Variants in CCDC3 observed in about 807,000 individuals in gnomAD.
CCDC3 encodes coiled-coil domain-containing protein 3.
Under a neutral mutation model 21.4 loss-of-function variants are expected in CCDC3, and 24 were observed. The ratio of observed to expected loss-of-function variants is 1.12; its 90% confidence interval spans 0.81 to 1.58. The LOEUF is 1.58. Ranked by LOEUF, CCDC3 falls within the 40% of genes most tolerant of loss-of-function variation. CCDC3 has a pLI of 0.00. For missense variants in CCDC3, 425 were observed against 360.9 expected (o/e 1.18, Z -1.44); for synonymous variants, 186 against 166.0 (o/e 1.12, Z -0.93).
intron 2 of CCDC3, among the ~76,000 whole-genome samples, chr10:12,939,610 C>A (rs935974027): frequency 2.0e-5 from 3 of 150,150 alleles, no homozygotes; most frequent in Non-Finnish European, 4.4e-5. Flanking sequence ...TAGTATTCAA[C>A]AGATGGTAGG....
chr10:12,946,878 C>T (rs2131243845), intron 2 of CCDC3, among the ~76,000 whole-genome samples: 1 of 152,238 alleles, frequency 6.6e-6, no homozygotes, highest in Admixed American at 6.5e-5. Context: ...CAAAATTATA[C>T]TTTCCTAAAG....
chr10:13,062,942 T>G (rs954968443), intron 4 of CCDC3, among the ~76,000 whole-genome samples: 1 of 118,358 alleles, frequency 8.4e-6, no homozygotes, highest in African/African-American at 3.3e-5. Flanking sequence ...ACTGACTCAG[T>G]GCAAGAAGAC....
In CCDC3 at chr10:12,962,189, CAT is replaced by C. The variant is rs1219199661; in HGVS notation, c.549+36147_549+36148del. Among the ~76,000 whole-genome samples, 4 of 152,336 alleles carry C rather than the reference CAT, an allele frequency of 2.6e-5. No homozygotes were observed. The South Asian group carries it at 6.2e-4, about 24-fold the overall frequency. On this transcript the variant is annotated intron_variant, in intron 2 of 2. Transcript: ENST00000378825. ...TTTGATATGACAAATTCTCCTGTCA[CAT>C]AGACACCCTCCCTGAAAGTAATTGG...
At chr10:12,951,294 T>A (rs576591080) in intron 2 of CCDC3, among the ~76,000 whole-genome samples, 1 of 152,192 alleles carries the variant, frequency 6.6e-6, no homozygotes, top group African/African-American at 2.4e-5. Flanking sequence ...TAGGCCAAGC[T>A]AGAGAGAGCT....
At chr10:12,969,170 A>C (rs1746535695) in intron 2 of CCDC3, among the ~76,000 whole-genome samples, 1 of 152,190 alleles carries the variant, frequency 6.6e-6, no homozygotes. Flanking sequence ...TTCTCTAAAG[A>C]CGACATACAA....
In CCDC3 at chr10:13,076,623, C is replaced by T. The variant is rs111273341; in HGVS notation, c.-502-2523G>A. On this transcript the variant is annotated intron_variant, in intron 3 of 6. Transcript: ENST00000378839. ...CTATCCTATGTAGTTATTAAACATG[C>T]TCACAGGCACATAGTACATTCTATG... 4.9e-3 allele frequency among the ~76,000 whole-genome samples: 745 copies of T among 152,304 alleles called. 3 individuals carry two copies. Among genetic ancestry groups the T allele is most frequent in the African/African-American group, 0.016 (677 of 41,548 alleles).
intron 2 of CCDC3, among the ~76,000 whole-genome samples, chr10:12,947,626 T>C (rs1225776363): frequency 6.6e-6 from 1 of 152,208 alleles, no homozygotes; most frequent in Non-Finnish European, 1.5e-5. Context: ...GACGGGAATC[T>C]AGATCTTCTA....
chr10:13,001,264 CGGTG>C lies in CCDC3; in HGVS notation c.303_306del (p.Thr102AlafsTer119). Reference sequence around the variant, plus strand: ...GAGTGGCACGAGAAGTAGCCCAGGCCGGTGAGGTTGAGCCTGGAGCCGGCGGGCA... The same window carrying C: ...GAGTGGCACGAGAAGTAGCCCAGGCCAGGTTGAGCCTGGAGCCGGCGGGCA... On this transcript the variant is annotated frameshift_variant, in exon 1 of 3. Coordinates refer to ENST00000378825, the MANE Select transcript of CCDC3 (RefSeq NM_031455.4). LOFTEE classifies it high-confidence loss of function. 3 of 1,598,700 alleles carry C rather than the reference CGGTG, an allele frequency of 1.9e-6. No individual in the cohort carries two copies. The highest frequency in any genetic ancestry group is 2.6e-6 in the Non-Finnish European group (3 of 1,173,830).
intron 2 of CCDC3, among the ~76,000 whole-genome samples, chr10:12,916,794 G>C (rs1015477613): frequency 2.0e-5 from 3 of 152,224 alleles, no homozygotes; most frequent in Non-Finnish European, 4.4e-5. Flanking sequence ...CTGGAGGCTG[G>C]GTCTGTGGCT....
intron 2 of CCDC3, among the ~76,000 whole-genome samples, chr10:12,899,267 A>G (rs928433891): frequency 6.6e-6 from 1 of 152,054 alleles, no homozygotes; most frequent in South Asian, 2.1e-4. Flanking sequence ...CCCACTCATA[A>G]TAACATAAAA....
At chr10:13,047,292 T>C (rs1466330061) in intron 5 of CCDC3, among the ~76,000 whole-genome samples, 2 of 152,146 alleles carry the variant, frequency 1.3e-5, no homozygotes, top group Non-Finnish European at 2.9e-5. Context: ...GTTTGAAAAG[T>C]CCCCATTAAA....
rs149409150 is a variant in CCDC3 at position 13,060,453 on chromosome 10, G to A, written c.-269-10512C>T. On this transcript the variant is annotated intron_variant, in intron 4 of 6. Transcript: ENST00000378839. ...CAGAAGTCATCAGAGAGGTGGGAGGGATATCAGGAGTAACAAGAGTCCCCA... is the reference window on the plus strand; with the variant it reads ...CAGAAGTCATCAGAGAGGTGGGAGGAATATCAGGAGTAACAAGAGTCCCCA... 2.0e-3 allele frequency among the ~76,000 whole-genome samples: 303 copies of A among 152,216 alleles called. 3 individuals are homozygous for A. The highest frequency in any genetic ancestry group is 6.6e-3 in the African/African-American group (276 of 41,542).
chr10:13,044,048 T>C (rs1272263546), intron 5 of CCDC3, among the ~76,000 whole-genome samples: 2 of 152,226 alleles, frequency 1.3e-5, no homozygotes, highest in South Asian at 4.1e-4. Flanking sequence ...ATAATAGCCA[T>C]TCTGACTGGT....
intron 3 of CCDC3, among the ~76,000 whole-genome samples, chr10:13,078,543 A>G (rs546554704): frequency 8.5e-5 from 13 of 152,364 alleles, no homozygotes; most frequent in African/African-American, 3.1e-4. Flanking sequence ...TTATACTACT[A>G]TAAAGACACA....
chr10:12,910,952 G>A (rs1430775636), intron 2 of CCDC3, among the ~76,000 whole-genome samples: 2 of 152,210 alleles, frequency 1.3e-5, no homozygotes, highest in African/African-American at 4.8e-5. Context: ...CCAGTGCATA[G>A]TTGCGGCCAG....
intron 5 of CCDC3, among the ~76,000 whole-genome samples, chr10:13,030,633 AG>A (rs1247867893): frequency 1.3e-5 from 2 of 152,162 alleles, no homozygotes; most frequent in South Asian, 2.1e-4. Context: ...CTCAAGATAA[AG>A]GGATGGAGGA....
At chr10:13,030,414 T>G (rs111334919) in intron 5 of CCDC3, among the ~76,000 whole-genome samples, 4,527 of 152,276 alleles carry the variant, frequency 0.03, 93 homozygotes, top group South Asian at 0.073. Flanking sequence ...CCATCAATGC[T>G]AGGAAGAAAC....
At chr10:12,980,643 C>T (rs1010101314) in intron 2 of CCDC3, among the ~76,000 whole-genome samples, 4 of 152,132 alleles carry the variant, frequency 2.6e-5, no homozygotes, top group African/African-American at 9.7e-5. Flanking sequence ...CAGATAATAG[C>T]AAACTTTCTG....
chr10:12,939,028 C>A (rs979239742), intron 2 of CCDC3, among the ~76,000 whole-genome samples: 1 of 151,696 alleles, frequency 6.6e-6, no homozygotes, highest in Non-Finnish European at 1.5e-5. Flanking sequence ...GAGAGGTTGG[C>A]TGCATCCACT....
Sources: allele counts gnomAD v4.1 joint callset (sites outside exome capture counted in the v4.1 genomes callset), GRCh38; gene constraint gnomAD v4.1.1; transcripts MANE v1.5; gene names NCBI Gene and HGNC (gene_info 2026-07-23, HGNC 2026-07-21).